AUH: variants seen among roughly 807,000 people sequenced by gnomAD.
The protein encoded by AUH is methylglutaconyl-CoA hydratase, mitochondrial.
AUH carries 29 observed loss-of-function variants against 42.3 expected under a neutral mutation model. That is an observed-to-expected ratio of 0.69 (90% CI 0.51 to 0.93). The LOEUF (loss-of-function observed/expected upper bound fraction) is 0.93. Ranked by LOEUF, AUH falls within the 40% of genes least tolerant of loss-of-function variation. The pLI is 0.00. For synonymous variants in AUH, 174 were observed against 166.4 expected (o/e 1.05, Z -0.35); for missense variants, 452 against 438.1 (o/e 1.03, Z -0.28).
At chr9:91,265,374 T>A (rs1829918009) in intron 6 of AUH, among the ~76,000 whole-genome samples, 1 of 151,830 alleles carries the variant, frequency 6.6e-6, no homozygotes, top group South Asian at 2.1e-4. Flanking sequence ...AGCAATCCTT[T>A]AAAAAAAACC....
At chr9:91,285,318 G>A (rs184779954) in intron 6 of AUH, among the ~76,000 whole-genome samples, 2 of 151,974 alleles carry the variant, frequency 1.3e-5, no homozygotes, top group African/African-American at 4.8e-5. Flanking sequence ...CATGGGGTGG[G>A]GGAAGGGGGG....
rs1204430153 is a variant in AUH, at chr9:91,298,062, G to A, written c.520C>T (p.Pro174Ser). The change falls in exon 5 of 10, where the codon CCA becomes TCA. Residue 174 changes from proline to serine, a missense_variant. Physicochemically the swap from Pro to Ser is moderately conservative, Grantham distance 74. Coordinates refer to ENST00000375731, the MANE Select transcript of AUH (RefSeq NM_001698.3). ...VINDIANLPVPTIAAIDGLAL... is the reference protein window; with the variant it reads ...VINDIANLPVSTIAAIDGLAL... ...AGTCCATCTATTGCTGCAATTGTTG[G>A]TACTGGAAGATTAGCTGAAATGGAA... 1.2e-6 allele frequency: 2 copies of A among 1,613,548 alleles called. No individual in the cohort carries two copies. Among genetic ancestry groups the A allele is most frequent in the African/African-American group, 2.7e-5 (2 of 74,902 alleles).
intron 3 of AUH, among the ~76,000 whole-genome samples, chr9:91,336,491 G>A (rs1161460558): frequency 2.0e-5 from 3 of 151,918 alleles, no homozygotes; most frequent in African/African-American, 4.8e-5. Context: ...TAAGCTGGGC[G>A]TGATGGTGCA....
intron 6 of AUH, among the ~76,000 whole-genome samples, chr9:91,269,842 C>T (rs1824972392): frequency 6.6e-6 from 1 of 152,060 alleles, no homozygotes; most frequent in Non-Finnish European, 1.5e-5. Flanking sequence ...AATACTATTC[C>T]ACAAAACAAA....
intron 1 of AUH, chr9:91,360,447 T>A (rs996049599): frequency 1.3e-5 from 2 of 152,218 alleles, no homozygotes; most frequent in Non-Finnish European, 2.9e-5. Flanking sequence ...CTGTCTGGAA[T>A]AATAAGTAAG....
At chr9:91,306,487 C>A (rs184283656) in intron 4 of AUH, 1 of 548,222 alleles carries the variant, frequency 1.8e-6, no homozygotes, top group Non-Finnish European at 2.3e-6. Context: ...CAGGAAAAAA[C>A]CTCACCATTA....
At chr9:91,327,660 G>A (rs1038667698) in intron 3 of AUH, among the ~76,000 whole-genome samples, 4 of 152,196 alleles carry the variant, frequency 2.6e-5, no homozygotes, top group Admixed American at 2.6e-4. Context: ...AGCTGCAGGC[G>A]ACAGGAATGA....
intron 3 of AUH, among the ~76,000 whole-genome samples, chr9:91,337,101 T>C (rs1830752085): frequency 6.6e-6 from 1 of 152,184 alleles, no homozygotes; most frequent in South Asian, 2.1e-4. Context: ...CACATCCTCT[T>C]GGCAAAATGG....
intron 6 of AUH, among the ~76,000 whole-genome samples, chr9:91,254,885 T>C (rs1483077585): frequency 1.3e-5 from 2 of 152,198 alleles, no homozygotes; most frequent in African/African-American, 4.8e-5. Context: ...ATTTTTGATA[T>C]GGGAGTAACC....
chr9:91,218,539 C>T, intron 7 of AUH: 2 of 858,940 alleles, frequency 2.3e-6, no homozygotes, highest in Non-Finnish European at 2.8e-6. Context: ...TGAGATTCTG[C>T]ACGTCTAACA....
chr9:91,288,051 A>T (rs999201536), intron 6 of AUH, among the ~76,000 whole-genome samples: 7 of 152,030 alleles, frequency 4.6e-5, no homozygotes, highest in African/African-American at 1.7e-4. Flanking sequence ...TCCCCCCAGA[A>T]GCTGGGGGGA....
intron 7 of AUH, among the ~76,000 whole-genome samples, chr9:91,219,224 G>C (rs892705780): frequency 4.6e-5 from 7 of 152,220 alleles, no homozygotes; most frequent in African/African-American, 1.7e-4. Flanking sequence ...GCCCTAAGGG[G>C]CTAATAAGCT....
intron 4 of AUH, among the ~76,000 whole-genome samples, chr9:91,319,638 G>A (rs903672113): frequency 6.6e-5 from 10 of 152,190 alleles, no homozygotes; most frequent in Non-Finnish European, 1.0e-4. Context: ...GGCGGATGAC[G>A]TCCCTCTAGG....
intron 6 of AUH, among the ~76,000 whole-genome samples, chr9:91,245,796 G>C (rs1487472244): frequency 2.6e-5 from 4 of 152,278 alleles, no homozygotes; most frequent in Admixed American, 6.5e-5. Flanking sequence ...ATGCAAGCCT[G>C]GGGAGCCTGC....
At chr9:91,250,122 A>G (rs1225457146) in intron 6 of AUH, among the ~76,000 whole-genome samples, 1 of 152,190 alleles carries the variant, frequency 6.6e-6, no homozygotes, top group Non-Finnish European at 1.5e-5. Flanking sequence ...GCAGAAGGAC[A>G]GAGGAGCTGT....
chr9:91,325,279 C>T (rs1238020476), intron 4 of AUH, 39 bp downstream of exon 4: 2 of 1,522,136 alleles, frequency 1.3e-6, no homozygotes, highest in Admixed American at 1.7e-5. Context: ...ATTTAAGAAC[C>T]CCTTCGGCAT....
intron 6 of AUH, among the ~76,000 whole-genome samples, chr9:91,234,783 G>A (rs994715627): frequency 2.0e-5 from 3 of 150,220 alleles, no homozygotes; most frequent in Non-Finnish European, 1.5e-5. Context: ...ATGGGCCAGA[G>A]AGAAGAGACT....
Position 91,298,659 on chromosome 9 carries a change from T to G in AUH, c.506-583A>C, listed in dbSNP as rs1827541496. Among the ~76,000 whole-genome samples, 3 of 152,180 alleles carry G rather than the reference T, an allele frequency of 2.0e-5. No homozygotes were observed. The South Asian group carries it at 6.2e-4, about 31-fold the overall frequency. ...CTTCCACTTCAGAGGCAAGATGCCC[T>G]GAGAACCTGCTCACAAGCATGCCTG... is the stretch of plus-strand genomic sequence containing the variant. On this transcript the variant is annotated intron_variant, in intron 4 of 9. Transcript: ENST00000375731.
chr9:91,302,948 G>A (rs1219392419), intron 4 of AUH, among the ~76,000 whole-genome samples: 1 of 152,178 alleles, frequency 6.6e-6, no homozygotes, highest in African/African-American at 2.4e-5. Flanking sequence ...CCAACAGCAA[G>A]AGGAAGAAAT....
Sources: gnomAD v4.1 joint callset for allele counts (sites outside exome capture counted in the v4.1 genomes callset) on GRCh38, gnomAD v4.1.1 for gene constraint, MANE v1.5 for transcripts, NCBI Gene and HGNC (gene_info 2026-07-23, HGNC 2026-07-21) for gene names.